Variants in CDC42BPG observed in about 807,000 individuals in gnomAD.
CDC42BPG encodes CDC42 binding protein kinase gamma, also known as serine/threonine-protein kinase MRCK gamma.
CDC42BPG carries 157 observed loss-of-function variants against 192.2 expected under a neutral mutation model. The observed-to-expected ratio is 0.82, with a 90% CI of 0.72 to 0.93. CDC42BPG has a LOEUF of 0.93. CDC42BPG is among the 40% of genes least tolerant of loss of function. The pLI is 0.00. For synonymous variants in CDC42BPG, 981 were observed against 918.5 expected (o/e 1.07, Z -1.23); for missense variants, 1,992 against 2,122.1 (o/e 0.94, Z 1.20).
In CDC42BPG at chr11:64,835,813, C is replaced by T. The variant is rs199569542; in HGVS notation, c.1707G>A (p.Thr569=). Residue 569 remains threonine, a synonymous_variant, in exon 14 of 37, where the codon ACG becomes ACA. Coordinates refer to ENST00000342711, the MANE Select transcript of CDC42BPG (RefSeq NM_017525.3). Reference sequence around the variant, plus strand: ...GTTGCTCCCACTGTCCCTGCAGCTGCGTCACCTGCCGGCTCAGGGAGGACA... The same window carrying T: ...GTTGCTCCCACTGTCCCTGCAGCTGTGTCACCTGCCGGCTCAGGGAGGACA... ...AQVSSLSRQV[T]QLQGQWEQRL... The T allele has an allele frequency of 4.3e-6, 7 of 1,612,988 alleles. No individual in the cohort carries two copies. In the Admixed American group the frequency reaches 5.0e-5, roughly 12 times the overall value.
rs532006076 is a variant in CDC42BPG, at chr11:64,827,496, C to G, written c.4150+31G>C. ...ACAGCCACACGTGCGCACTGGGGAA[C>G]GCACACACCCGTACACACGCACTCC... On this transcript the variant is annotated intron_variant, in intron 32 of 36. Coordinates refer to ENST00000342711, the MANE Select transcript of CDC42BPG (RefSeq NM_017525.3). The G allele has an allele frequency of 3.7e-6, 6 of 1,604,864 alleles. No individual in the cohort carries two copies. In the East Asian group the frequency reaches 1.3e-4, roughly 36 times the overall value.
chr11:64,834,419 CT>C lies in CDC42BPG; in HGVS notation c.2324+9del. ...GGGCCCTGGCCCCCAGTGCCTGCCC[CT>C]AGCCTCACCGCTCAGCCTGCAGCTG... On this transcript the variant is annotated intron_variant, in intron 19 of 36. Coordinates refer to ENST00000342711, the MANE Select transcript of CDC42BPG (RefSeq NM_017525.3). 6.4e-7 allele frequency: 1 copy of C among 1,563,622 alleles called. No homozygotes were observed. The highest frequency in any genetic ancestry group is 1.2e-5 in the South Asian group (1 of 86,004).
rs1462911933 is a variant in CDC42BPG, at chr11:64,841,919, G to A, written c.161-15C>T. 3.8e-6 allele frequency: 6 copies of A among 1,578,244 alleles called. No individual in the cohort carries two copies. Among genetic ancestry groups the A allele is most frequent in the Non-Finnish European group, 5.2e-6 (6 of 1,159,696 alleles). On this transcript the variant is annotated splice_polypyrimidine_tract_variant and intron_variant, in intron 1 of 36. Coordinates refer to ENST00000342711, the MANE Select transcript of CDC42BPG (RefSeq NM_017525.3). ...GAAGGGGCTGGCTGAGGGGACACAG[G>A]GCGGGACTCAGAGTGCAGGGAGGGA... is the stretch of plus-strand genomic sequence containing the variant.
chr11:64,834,801 G>A, intron 18 of CDC42BPG, 48 bp downstream of exon 18: 1 of 1,558,092 alleles, frequency 6.4e-7, no homozygotes, highest in Non-Finnish European at 8.8e-7. Context: ...CTCACGGAAG[G>A]TCAGTGACTT....
intron 28 of CDC42BPG, among the ~76,000 whole-genome samples, chr11:64,830,846 T>G (rs1431502793): frequency 6.6e-6 from 1 of 152,176 alleles, no homozygotes; most frequent in African/African-American, 2.4e-5. Flanking sequence ...AGGCTCTGGG[T>G]GGTTCTACAG....
At position 64,830,248 on chromosome 11, in the gene CDC42BPG, G is replaced by C; in HGVS notation, c.3313C>G (p.Arg1105Gly). ...CCCTCCTCGGTGCCAAGCGCAAGTC[G>C]ATCCTGGTCTGGTAGAGGGAGGCAG... The part of the protein sequence containing the change: ...TLCAAILDQD[R>G]LALGTEEGLF... Residue 1105 changes from arginine to glycine, a missense_variant, in exon 29 of 37, where the codon CGA (arginine) becomes GGA (glycine). This residue lies in a region of CDC42BPG where 1,656 missense variants were observed against 1,844.3 expected (regional missense o/e 0.90). Coordinates refer to ENST00000342711, the MANE Select transcript of CDC42BPG (RefSeq NM_017525.3). The C allele has an allele frequency of 6.2e-7, 1 of 1,608,822 alleles. No individual in the cohort carries two copies.
rs141227724 is a variant in CDC42BPG, at chr11:64,829,843, C to T, written c.3595G>A (p.Val1199Ile). The change falls in exon 30 of 37, where the codon GTC becomes ATC. Residue 1199 changes from valine to isoleucine, a missense_variant. This residue lies in a region of CDC42BPG where 1,656 missense variants were observed against 1,844.3 expected (regional missense o/e 0.90). Coordinates refer to ENST00000342711, the MANE Select transcript of CDC42BPG (RefSeq NM_017525.3). ...QARTPVLCVA[V>I]KRQVLCYQLG... Reference sequence around the variant, plus strand: ...TGGTAGCAGAGCACCTGGCGCTTGACGGCTACACAGAGCACCGGGGTGCGG... The same window carrying T: ...TGGTAGCAGAGCACCTGGCGCTTGATGGCTACACAGAGCACCGGGGTGCGG... 140 of 1,606,770 alleles carry T rather than the reference C, an allele frequency of 8.7e-5. No homozygotes were observed. The highest frequency in any genetic ancestry group is 1.1e-4 in the Non-Finnish European group (131 of 1,178,038).
rs1036440660 is a variant in CDC42BPG at position 64,836,989 on chromosome 11, C to T, written c.1236G>A (p.Trp412Ter). 1.2e-6 allele frequency: 2 copies of T among 1,613,598 alleles called. No homozygotes were observed. The highest frequency in any genetic ancestry group is 3.3e-5 in the Admixed American group (2 of 60,034). Residue 412 changes from tryptophan to a stop codon, truncating the protein, a stop_gained, in exon 10 of 37, where the codon TGG becomes TGA. Coordinates refer to ENST00000342711, the MANE Select transcript of CDC42BPG (RefSeq NM_017525.3). LOFTEE classifies it high-confidence loss of function. ...SHSPESSSEA[W>*]AALERKLQCL... Reference sequence around the variant, plus strand: ...ACTGGAGCTTCCGCTCCAGGGCAGCCCAAGCCTCAGAGCTGCTCTCAGGAC... The same window carrying T: ...ACTGGAGCTTCCGCTCCAGGGCAGCTCAAGCCTCAGAGCTGCTCTCAGGAC...
chr11:64,826,280 T>C (rs1942410937), intron 36 of CDC42BPG, among the ~76,000 whole-genome samples, 190 bp downstream of exon 36: 1 of 152,202 alleles, frequency 6.6e-6, no homozygotes, highest in African/African-American at 2.4e-5. Context: ...CCACCTAGGC[T>C]GGCCTGCATC....
chr11:64,834,108 C>G, intron 20 of CDC42BPG, 131 bp from the exon 21 acceptor site: 1 of 1,441,572 alleles, frequency 6.9e-7, no homozygotes, highest in Non-Finnish European at 9.7e-7. Flanking sequence ...GCACAGCAGG[C>G]ACTCCAGAAG....
At chr11:64,830,153 G>T in intron 29 of CDC42BPG, 41 bp downstream of exon 29, 1 of 1,612,918 alleles carries the variant, frequency 6.2e-7, no homozygotes. Flanking sequence ...CGCTGGGGCT[G>T]CCCCTGCCCA....
rs1942473478 is a variant in CDC42BPG, at chr11:64,827,284, T to A, written c.4265A>T (p.Gln1422Leu). Reference sequence around the variant, plus strand: ...CCGCGTCGTGCACGCGCACCTGCGCTGCTGCTTCTGCTGCTCCTCCGACAC... The same window carrying A: ...CCGCGTCGTGCACGCGCACCTGCGCAGCTGCTTCTGCTGCTCCTCCGACAC... ...FRVSEEQQKQQRREMLKDPFV... is the reference protein window; with the variant it reads ...FRVSEEQQKQLRREMLKDPFV... The change falls in exon 33 of 37, where the codon CAG becomes CTG. Residue 1422 changes from glutamine (Q) to leucine (L), a missense_variant. By Grantham distance (113) the Gln-to-Leu change is moderately radical. Transcript: ENST00000342711. The A allele has an allele frequency of 6.2e-7, 1 of 1,613,848 alleles. No individual in the cohort carries two copies. Among genetic ancestry groups the A allele is most frequent in the East Asian group, 2.2e-5 (1 of 44,874 alleles).
chr11:64,844,205 G>A (rs1483835485), intron 1 of CDC42BPG, among the ~76,000 whole-genome samples: 1 of 151,974 alleles, frequency 6.6e-6, no homozygotes, highest in Non-Finnish European at 1.5e-5. Context: ...GAGGGAGAGA[G>A]CGTGTGTGAG....
In CDC42BPG at chr11:64,836,705, C is replaced by CCGGCGGGG. The variant is rs1192864769; in HGVS notation, c.1384+33_1384+34insCCCCGCCG. On this transcript the variant is annotated intron_variant, in intron 11 of 36. Coordinates refer to ENST00000342711, the MANE Select transcript of CDC42BPG (RefSeq NM_017525.3). ...ACCCGAGCCCAGGTGGGACTCAGCC[C>CCGGCGGGG]TGGGGGGGGGGGGGGGGTGGGCGGA... The CCGGCGGGG allele has an allele frequency of 1.1e-5, 4 of 353,518 alleles. 1 individual carries two copies. The African/African-American group carries it at 2.2e-4, about 20-fold the overall frequency. 21.9% of individuals were successfully genotyped at this position (353,518 alleles called of 1,614,324 possible).
chr11:64,839,383 C>A, intron 6 of CDC42BPG, 95 bp downstream of exon 6: 5 of 1,493,302 alleles, frequency 3.3e-6, no homozygotes, highest in Non-Finnish European at 3.7e-6. Flanking sequence ...CCCCGGGGGG[C>A]CTGATGCCTC....
In CDC42BPG at chr11:64,827,399, CTG is replaced by C; in HGVS notation, c.4151-3_4151-2del. 1.9e-6 allele frequency: 3 copies of C among 1,613,160 alleles called. No individual in the cohort carries two copies. In the East Asian group the frequency reaches 6.7e-5, roughly 36 times the overall value. On this transcript the variant is annotated splice_acceptor_variant and splice_polypyrimidine_tract_variant and intron_variant, in intron 32 of 36. Coordinates refer to ENST00000342711, the MANE Select transcript of CDC42BPG (RefSeq NM_017525.3). LOFTEE classifies it high-confidence loss of function. Reference sequence around the variant, plus strand: ...TCCGGGATGTCGAACTCGTCCTTCTCTGTGGGAGAAGTGGAGAGCTGGGCTGT... The same window carrying C: ...TCCGGGATGTCGAACTCGTCCTTCTCTGGGAGAAGTGGAGAGCTGGGCTGT...
chr11:64,837,062 C>T, intron 9 of CDC42BPG, 43 bp from the exon 10 acceptor site: 2 of 1,439,730 alleles, frequency 1.4e-6, no homozygotes, highest in South Asian at 1.1e-5. Flanking sequence ...GAAACCTCAC[C>T]CCACAGAGTC....
chr11:64,835,224 C>T, intron 16 of CDC42BPG, 71 bp from the exon 17 acceptor site: 2 of 1,601,976 alleles, frequency 1.2e-6, no homozygotes, highest in Non-Finnish European at 1.7e-6. Context: ...CCTGTAGGTA[C>T]CCCAGCACCC....
chr11:64,828,738 G>A (rs776337789), intron 30 of CDC42BPG, among the ~76,000 whole-genome samples: 8 of 152,020 alleles, frequency 5.3e-5, no homozygotes, highest in African/African-American at 1.2e-4. Flanking sequence ...GCAATATGGC[G>A]AAACCCCATC....
Sources: gnomAD v4.1 joint callset for allele counts (sites outside exome capture counted in the v4.1 genomes callset) on GRCh38, gnomAD v4.1.1 for gene constraint, gnomAD v4.1.1 regional missense constraint, MANE v1.5 for transcripts, NCBI Gene and HGNC (gene_info 2026-07-23, HGNC 2026-07-21) for gene names.